Variants in BPHL observed in about 807,000 individuals in gnomAD.
BPHL encodes serine hydrolase BPHL.
BPHL carries 27 observed loss-of-function variants against 31.2 expected under a neutral mutation model. The ratio of observed to expected loss-of-function variants is 0.87; its 90% CI spans 0.64 to 1.19. BPHL has a LOEUF of 1.19. Among genes scored for constraint, BPHL ranks in the 50% most tolerant of loss-of-function variants. The pLI is 0.00. For missense variants in BPHL, 356 were observed against 375.7 expected (o/e 0.95, Z 0.43); for synonymous variants, 150 against 146.8 (o/e 1.02, Z -0.16).
intron 2 of BPHL, chr6:3,126,804 A>C (rs943920714): frequency 7.3e-6 from 1 of 137,736 alleles, no homozygotes; most frequent in African/African-American, 2.8e-5. Context: ...CTCAGGCTGG[A>C]GTGCAATGGC....
At chr6:3,118,868 C>T (rs1761468811) in intron 1 of BPHL, 21 bp downstream of exon 1, 2 of 1,233,640 alleles carry the variant, frequency 1.6e-6, no homozygotes, top group Middle Eastern at 2.8e-4. Flanking sequence ...CCACCTCGCC[C>T]CGGGGATCCC....
In BPHL at chr6:3,152,567, C is replaced by T. The variant is rs761740785; in HGVS notation, c.868C>T (p.Leu290=). ...ATTCAACAAGTTAGCAGAAGACTTC[C>T]TACAATGAGAATGCACACTCCAGTC... The part of the protein sequence containing the change: ...DEFNKLAEDF[L]Q The change falls in exon 7 of 7, where the codon CTA becomes TTA. Residue 290 remains leucine (L), a synonymous_variant. Coordinates refer to ENST00000380379, the MANE Select transcript of BPHL (RefSeq NM_004332.4). 1.2e-6 allele frequency: 2 copies of T among 1,612,938 alleles called. No homozygotes were observed. The highest frequency in any genetic ancestry group is 3.3e-5 in the Admixed American group (2 of 59,868).
At chr6:3,128,489 G>T (rs1162868769) in intron 3 of BPHL, among the ~76,000 whole-genome samples, 1 of 151,956 alleles carries the variant, frequency 6.6e-6, no homozygotes, top group African/African-American at 2.4e-5. Context: ...TGTAATCTTT[G>T]TCCATTTTCC....
rs1762158135 is a variant in BPHL at position 3,140,970 on chromosome 6, C to T, written c.788+461C>T. Among the ~76,000 whole-genome samples the T allele has an allele frequency of 6.6e-6, 1 of 152,198 alleles. No homozygotes were observed. Among genetic ancestry groups the T allele is most frequent in the African/African-American group, 2.4e-5 (1 of 41,446 alleles). ...ACTCAGCACAGTTAATGGTAGTGTT[C>T]CCTGTCCCTAAAGCCCCCAGGCCAG... is the stretch of plus-strand genomic sequence containing the variant. On this transcript the variant is annotated intron_variant, in intron 6 of 6. Transcript: ENST00000380379. This position sits in a 1 kb window ranked among gnomAD's most constrained non-coding sequence, Gnocchi z 5.2.
chr6:3,151,525 A>C (rs1762523330), intron 6 of BPHL, among the ~76,000 whole-genome samples: 1 of 152,148 alleles, frequency 6.6e-6, no homozygotes, highest in African/African-American at 2.4e-5. Flanking sequence ...CCTGCCCCAC[A>C]GTTCCTCCCT....
In BPHL at chr6:3,135,021, G is replaced by A. The variant is rs574369367; in HGVS notation, c.533-2341G>A. On this transcript the variant is annotated intron_variant, in intron 4 of 6. Transcript: ENST00000380379. ...CGAAGTGCTGGGATTACAGGTGTGA[G>A]CCACCATGCCGCCCGGCCTCACAAT... Among the ~76,000 whole-genome samples, 290 of 152,324 alleles carry A rather than the reference G, an allele frequency of 1.9e-3. 3 individuals are homozygous for A. Among genetic ancestry groups the A allele is most frequent in the African/African-American group, 6.7e-3 (279 of 41,568 alleles).
intron 6 of BPHL, among the ~76,000 whole-genome samples, chr6:3,144,787 G>T (rs1182665204): frequency 6.6e-6 from 1 of 152,210 alleles, no homozygotes; most frequent in Non-Finnish European, 1.5e-5. Flanking sequence ...TAGAGCATCT[G>T]AACATGCTCA....
At chr6:3,128,915 AGG>A in intron 3 of BPHL, 128 bp from the exon 4 acceptor site, 33 of 1,361,848 alleles carry the variant, frequency 2.4e-5, no homozygotes, top group Non-Finnish European at 3.4e-5. Flanking sequence ...GGTGGACTCT[AGG>A]GTTTTTCTTT....
intron 6 of BPHL, among the ~76,000 whole-genome samples, chr6:3,143,442 C>T (rs937324902): frequency 7.2e-5 from 11 of 152,086 alleles, no homozygotes; most frequent in Middle Eastern, 3.2e-3. Flanking sequence ...AAATAAGAAT[C>T]GCTTATTTTT....
At chr6:3,119,730 TAA>T (rs1210092745) in intron 1 of BPHL, among the ~76,000 whole-genome samples, 1 of 152,214 alleles carries the variant, frequency 6.6e-6, no homozygotes, top group Non-Finnish European at 1.5e-5. Flanking sequence ...GCTACTTTCA[TAA>T]AGTCAGTACT....
intron 4 of BPHL, among the ~76,000 whole-genome samples, chr6:3,135,731 G>GT (rs1405481179): frequency 6.6e-6 from 1 of 152,006 alleles, no homozygotes; most frequent in Non-Finnish European, 1.5e-5. Context: ...CAATTTTCTA[G>GT]TTTTTTTATT....
chr6:3,146,540 C>CA (rs1762374888), intron 6 of BPHL, among the ~76,000 whole-genome samples: 2 of 1,096 alleles, frequency 1.8e-3, no homozygotes, highest in African/African-American at 3.6e-3. Flanking sequence ...TGGTTTGGGT[C>CA]GAGTGCTGGT....
intron 4 of BPHL, 115 bp from the exon 5 acceptor site, chr6:3,137,247 C>T (rs1363787490): frequency 7.4e-6 from 10 of 1,350,836 alleles, no homozygotes; most frequent in Non-Finnish European, 1.0e-5. Flanking sequence ...GGAGGCATTC[C>T]AGGCAGACGA....
At chr6:3,123,010 C>T (rs1268010395) in intron 1 of BPHL, among the ~76,000 whole-genome samples, 1 of 152,220 alleles carries the variant, frequency 6.6e-6, no homozygotes, top group East Asian at 1.9e-4. Context: ...TCACGCCAGC[C>T]TGCACTTGAG....
rs55784719 is a variant in BPHL at position 3,137,933 on chromosome 6, G to A, written c.664+440G>A. The A allele has an allele frequency of 6.7e-4, 810 of 1,201,658 alleles. No homozygotes were observed. The highest frequency in any genetic ancestry group is 8.2e-4 in the Non-Finnish European group (744 of 911,620). 74.4% of individuals were successfully genotyped at this position (1,201,658 alleles called of 1,614,324 possible). A position where few individuals can be genotyped will look rare whatever the true frequency, so the allele number is the denominator to read the frequency against. ...GACACTGTTAATCTTTAATCTCAAC[G>A]GAATTAATATGAGGAAGAAAATATT... On this transcript the variant is annotated intron_variant, in intron 5 of 6. Coordinates refer to ENST00000380379, the MANE Select transcript of BPHL (RefSeq NM_004332.4).
At chr6:3,128,214 C>T (rs142814978) in intron 3 of BPHL, among the ~76,000 whole-genome samples, 5 of 152,250 alleles carry the variant, frequency 3.3e-5, no homozygotes, top group East Asian at 1.9e-4. Flanking sequence ...TTCTGTTGCT[C>T]GTGGGCATTT....
intron 4 of BPHL, among the ~76,000 whole-genome samples, chr6:3,130,990 C>T (rs747208291): frequency 1.3e-4 from 20 of 152,068 alleles, no homozygotes; most frequent in Non-Finnish European, 2.5e-4. Context: ...TCCCCTCCCG[C>T]GGCCTCTAGG....
At position 3,124,007 on chromosome 6, in the gene BPHL, GC is replaced by G. The variant is rs781364899; in HGVS notation, c.211+250del. On this transcript the variant is annotated intron_variant, in intron 2 of 6. Coordinates refer to ENST00000380379, the MANE Select transcript of BPHL (RefSeq NM_004332.4). Reference sequence around the variant, plus strand: ...GCAAGTACTCTGTGAAATCACAGTTGCCCATAATTTGGGAGGGTGACAGGGG... The same window carrying G: ...GCAAGTACTCTGTGAAATCACAGTTGCCATAATTTGGGAGGGTGACAGGGG... 1.6e-5 allele frequency: 4 copies of G among 253,228 alleles called. No homozygotes were observed. The East Asian group carries it at 4.1e-4, about 26-fold the overall frequency. 15.7% of individuals were successfully genotyped at this position (253,228 alleles called of 1,614,324 possible). A position where few individuals can be genotyped will look rare whatever the true frequency, so the allele number is the denominator to read the frequency against.
chr6:3,137,895 G>T, intron 5 of BPHL: 15 of 888,530 alleles, frequency 1.7e-5, no homozygotes, highest in Non-Finnish European at 2.3e-5. Flanking sequence ...ATTTAGATGT[G>T]TCTCCCCACG....
Sources: allele counts gnomAD v4.1 joint callset (sites outside exome capture counted in the v4.1 genomes callset), GRCh38; gene constraint gnomAD v4.1.1; non-coding constraint Gnocchi (gnomAD v3.1); transcripts MANE v1.5; gene names NCBI Gene and HGNC (gene_info 2026-07-23, HGNC 2026-07-21).